Variants in WDR72 observed in about 807,000 individuals in gnomAD.
The protein encoded by WDR72 is WD repeat-containing protein 72.
WDR72 carries 120 observed loss-of-function variants against 124.2 expected under a neutral mutation model. The ratio of observed to expected loss-of-function variants is 0.97; its 90% CI spans 0.83 to 1.12. WDR72 has a LOEUF of 1.12. Ranked by LOEUF, WDR72 falls within the 50% of genes most tolerant of loss-of-function variation. The probability of loss-of-function intolerance (pLI) is 0.00; values close to 1 mark genes in which losing one functional copy is unlikely to be tolerated. For missense variants in WDR72, 1,387 were observed against 1,278.8 expected (o/e 1.08, Z -1.29); for synonymous variants, 452 against 441.7 (o/e 1.02, Z -0.29).
intron 18 of WDR72, among the ~76,000 whole-genome samples, chr15:53,543,357 A>G (rs558810197): frequency 5.3e-5 from 8 of 152,292 alleles, no homozygotes; most frequent in African/African-American, 1.4e-4. Flanking sequence ...AAACCGCTCA[A>G]CTACATGGAA....
intron 14 of WDR72, among the ~76,000 whole-genome samples, chr15:53,657,134 T>G (rs547713467): frequency 3.3e-5 from 5 of 151,598 alleles, no homozygotes; most frequent in South Asian, 4.2e-4. Context: ...TGTGGTGGCA[T>G]GCACTTGTAG....
intron 3 of WDR72, among the ~76,000 whole-genome samples, chr15:53,720,095 G>C (rs1365709976): frequency 1.3e-5 from 2 of 151,546 alleles, no homozygotes; most frequent in African/African-American, 4.8e-5. Context: ...TGTGCTATTT[G>C]TCCCATTTTT....
chr15:53,726,361 G>T (rs1469833760), intron 2 of WDR72, among the ~76,000 whole-genome samples: 1 of 84,708 alleles, frequency 1.2e-5, no homozygotes, highest in East Asian at 4.2e-4. Context: ...GGAGGGGGGC[G>T]GGGCTGATCA....
intron 17 of WDR72, among the ~76,000 whole-genome samples, chr15:53,603,535 G>A (rs982020549): frequency 2.0e-5 from 3 of 152,064 alleles, no homozygotes; most frequent in Admixed American, 2.0e-4. Context: ...TAGGAAAAGA[G>A]GAAGTCAAAC....
chr15:53,515,871 T>TAAAC lies in WDR72; in HGVS notation c.*1824_*1827dup, dbSNP rs957767412. On this transcript the variant is annotated 3_prime_UTR_variant, in exon 20 of 20. Transcript: ENST00000360509. ...TAAAAATAATGAAGCTTATTTTTCA[T>TAAAC]AAACATATCATAACCTGAGCGTCCA... 5 of 152,200 alleles carry TAAAC rather than the reference T, an allele frequency of 3.3e-5. No homozygotes were observed. The highest frequency in any genetic ancestry group is 1.2e-4 in the African/African-American group (5 of 41,468). 9.4% of individuals were successfully genotyped at this position (152,200 alleles called of 1,614,324 possible).
chr15:53,590,904 AGAT>A (rs1321169777), intron 18 of WDR72, among the ~76,000 whole-genome samples: 2 of 152,074 alleles, frequency 1.3e-5, no homozygotes, highest in Non-Finnish European at 2.9e-5. Context: ...GGCATTTGCA[AGAT>A]GAGATTAAAA....
At position 53,615,722 on chromosome 15, in the gene WDR72, A is replaced by T. The variant is rs1416416567; in HGVS notation, c.2484T>A (p.Ile828=). Residue 828 remains isoleucine, a synonymous_variant, in exon 15 of 20, where the codon ATT becomes ATA. Transcript: ENST00000360509. ...CTTCATTCAAAGAAATTCCCAAAGA[A>T]ATAGGACCCTGAAGCTTTAAAATAT... The part of the protein sequence containing the change: ...HLNILKLQGP[I]SLGISLNEDN... 2 of 1,613,006 alleles carry T rather than the reference A, an allele frequency of 1.2e-6. No homozygotes were observed. The highest frequency in any genetic ancestry group is 2.7e-5 in the African/African-American group (2 of 74,816).
At chr15:53,580,323 T>G (rs1335512776) in intron 18 of WDR72, among the ~76,000 whole-genome samples, 1 of 152,112 alleles carries the variant, frequency 6.6e-6, no homozygotes, top group Non-Finnish European at 1.5e-5. Context: ...TTTCATATCT[T>G]CAGGGGCCAC....
In WDR72 at chr15:53,597,196, T is replaced by C; in HGVS notation, c.3031A>G (p.Ser1011Gly). ...MKSLGKIPVNSQPVSMAENGN... is the reference protein window; with the variant it reads ...MKSLGKIPVNGQPVSMAENGN... ...TTCTCTGCCATGGACACTGGTTGAC[T>C]ATTGACGGGTATCTTTCCCAAACTC... Residue 1011 changes from serine (S) to glycine (G), a missense_variant, in exon 18 of 20, where the codon AGT (serine) becomes GGT (glycine). Transcript: ENST00000360509. 2 of 1,613,948 alleles carry C rather than the reference T, an allele frequency of 1.2e-6. No homozygotes were observed. The highest frequency in any genetic ancestry group is 1.3e-5 in the African/African-American group (1 of 75,062).
At chr15:53,703,413 T>C (rs1381914779) in intron 11 of WDR72, among the ~76,000 whole-genome samples, 1 of 151,754 alleles carries the variant, frequency 6.6e-6, no homozygotes, top group Non-Finnish European at 1.5e-5. Flanking sequence ...GAGTACAGCA[T>C]TGCTGTTAAA....
intron 2 of WDR72, among the ~76,000 whole-genome samples, chr15:53,731,721 GT>G (rs2018208567): frequency 2.0e-5 from 3 of 151,858 alleles, no homozygotes; most frequent in African/African-American, 7.3e-5. Context: ...ACAGTAGCCA[GT>G]TTTTTTCTGT....
chr15:53,758,244 A>G (rs1595892939), intron 1 of WDR72, among the ~76,000 whole-genome samples: 1 of 152,046 alleles, frequency 6.6e-6, no homozygotes, highest in Admixed American at 6.5e-5. Context: ...CAAGCGATCC[A>G]CCTACCTTGG....
chr15:53,569,906 G>A (rs1894447505), intron 18 of WDR72, among the ~76,000 whole-genome samples: 1 of 152,030 alleles, frequency 6.6e-6, no homozygotes, highest in Non-Finnish European at 1.5e-5. Flanking sequence ...TGACATAGGT[G>A]GCCTTTGTGG....
chr15:53,606,693 A>C (rs2013297746), intron 17 of WDR72, among the ~76,000 whole-genome samples: 1 of 152,194 alleles, frequency 6.6e-6, no homozygotes, highest in Non-Finnish European at 1.5e-5. Context: ...AAGGAGATCG[A>C]TTTTTTAAGC....
intron 13 of WDR72, among the ~76,000 whole-genome samples, chr15:53,666,412 T>A (rs1180968855): frequency 6.6e-6 from 1 of 151,992 alleles, no homozygotes; most frequent in Non-Finnish European, 1.5e-5. Flanking sequence ...CAACTTAAAG[T>A]TAAAAAAAAA....
intron 18 of WDR72, among the ~76,000 whole-genome samples, chr15:53,526,824 T>C (rs956011728): frequency 5.9e-5 from 9 of 152,074 alleles, no homozygotes; most frequent in Admixed American, 5.9e-4. Flanking sequence ...ACTGTTTATT[T>C]CCTCTGTAAT....
chr15:53,595,458 A>T (rs2012726914), intron 18 of WDR72, among the ~76,000 whole-genome samples: 1 of 152,162 alleles, frequency 6.6e-6, no homozygotes, highest in Admixed American at 6.6e-5. Flanking sequence ...TGAAACCTCA[A>T]ATATGAGTAA....
At chr15:53,552,890 GA>G (rs755187687) in intron 18 of WDR72, among the ~76,000 whole-genome samples, 24 of 152,104 alleles carry the variant, frequency 1.6e-4, no homozygotes, top group Admixed American at 6.6e-5. Flanking sequence ...CATCGGCATG[GA>G]AAGTATTAGT....
intron 2 of WDR72, among the ~76,000 whole-genome samples, chr15:53,730,687 C>G (rs577445452): frequency 6.6e-6 from 1 of 152,272 alleles, no homozygotes; most frequent in East Asian, 1.9e-4. Flanking sequence ...CCTACGGTGA[C>G]TCAGTCAACC....
Sources: allele counts gnomAD v4.1 joint callset (sites outside exome capture counted in the v4.1 genomes callset), GRCh38; gene constraint gnomAD v4.1.1; transcripts MANE v1.5; gene names NCBI Gene and HGNC (gene_info 2026-07-23, HGNC 2026-07-21).